NELL1: variants seen among roughly 807,000 people sequenced by gnomAD.
NELL1 encodes the protein neural EGFL like 1.
A neutral mutation model predicts 107.4 loss-of-function variants in NELL1; 76 were observed. The observed-to-expected ratio is 0.71, with a 90% confidence interval of 0.59 to 0.86. NELL1 has a LOEUF of 0.86. Among genes scored for constraint, NELL1 ranks in the 40% least tolerant of loss-of-function variants. NELL1 has a pLI of 0.00. For synonymous variants in NELL1, 353 were observed against 341.2 expected (o/e 1.03, Z -0.38); for missense variants, 1,024 against 1,005.5 (o/e 1.02, Z -0.25).
At chr11:21,280,162 C>T (rs953687501) in intron 14 of NELL1, among the ~76,000 whole-genome samples, 1 of 152,102 alleles carries the variant, frequency 6.6e-6, no homozygotes, top group South Asian at 2.1e-4. Context: ...TGGTCCAAAC[C>T]TGTACAATGT....
intron 12 of NELL1, among the ~76,000 whole-genome samples, chr11:20,980,325 A>T (rs1851724942): frequency 6.6e-6 from 1 of 152,166 alleles, no homozygotes; most frequent in Admixed American, 6.5e-5. Flanking sequence ...CTTCATTTTT[A>T]AAGATGAACA....
chr11:20,911,083 G>A (rs910847733), intron 5 of NELL1, among the ~76,000 whole-genome samples: 2 of 152,188 alleles, frequency 1.3e-5, no homozygotes, highest in African/African-American at 4.8e-5. Flanking sequence ...TTAAGAGAGA[G>A]AGAACAGTTC....
intron 13 of NELL1, among the ~76,000 whole-genome samples, chr11:21,198,257 C>T (rs1245749540): frequency 6.6e-6 from 1 of 152,178 alleles, no homozygotes; most frequent in Non-Finnish European, 1.5e-5. Flanking sequence ...CTGAAGCATC[C>T]AGACAATGAG....
chr11:21,171,434 T>C (rs1182189577), intron 13 of NELL1, among the ~76,000 whole-genome samples: 1 of 151,876 alleles, frequency 6.6e-6, no homozygotes, highest in Non-Finnish European at 1.5e-5. Context: ...AACATGTCTG[T>C]ATATTTTTTA....
rs191482615 is a variant in NELL1, at chr11:20,897,518, A to G, written c.603+11978A>G. ...GGACATAGGCATGGGCAAGGACTTCATGTCTAAAACACCAAAAGCAATGGC... is the reference window on the plus strand; with the variant it reads ...GGACATAGGCATGGGCAAGGACTTCGTGTCTAAAACACCAAAAGCAATGGC... On this transcript the variant is annotated intron_variant, in intron 5 of 19. Transcript: ENST00000357134. 2.0e-5 allele frequency among the ~76,000 whole-genome samples: 3 copies of G among 152,346 alleles called. No homozygotes were observed. In the South Asian group the frequency reaches 6.2e-4, roughly 32 times the overall value.
chr11:20,933,022 G>A (rs545678069), intron 9 of NELL1, among the ~76,000 whole-genome samples: 1 of 152,350 alleles, frequency 6.6e-6, no homozygotes, highest in Middle Eastern at 3.4e-3. Flanking sequence ...ACTGCCAGAG[G>A]GAATTGCATA....
intron 14 of NELL1, among the ~76,000 whole-genome samples, chr11:21,263,189 T>C (rs1180424113): frequency 6.6e-6 from 1 of 151,900 alleles, no homozygotes; most frequent in Non-Finnish European, 1.5e-5. Context: ...ATCCTTCTTC[T>C]TGGGTTTGTC....
rs183312864 is a variant in NELL1, at chr11:21,466,611, A to G, written c.1646-67763A>G. 3.6e-3 allele frequency among the ~76,000 whole-genome samples: 543 copies of G among 152,270 alleles called. 3 individuals carry two copies. Among genetic ancestry groups the G allele is most frequent in the African/African-American group, 0.013 (524 of 41,568 alleles). On this transcript the variant is annotated intron_variant, in intron 15 of 19. Coordinates refer to ENST00000357134, the MANE Select transcript of NELL1 (RefSeq NM_006157.5). ...ATAGCAAAAGCTTTTATTTTTCCAGACAAAATCTTGCCTGGGACCCCAGTG... is the reference window on the plus strand; with the variant it reads ...ATAGCAAAAGCTTTTATTTTTCCAGGCAAAATCTTGCCTGGGACCCCAGTG...
In NELL1 at chr11:20,721,181, G is replaced by GTATATATATATATA. The variant is rs137948986; in HGVS notation, c.184+43124_184+43137dup. ...AATGAGATATAGATATATATTTTGTGTATATATATATATATAGTGTATATA... is the reference window on the plus strand; with the variant it reads ...AATGAGATATAGATATATATTTTGTGTATATATATATATATATATATATATATATAGTGTATATA... On this transcript the variant is annotated intron_variant, in intron 2 of 19. Coordinates refer to ENST00000357134, the MANE Select transcript of NELL1 (RefSeq NM_006157.5). Among the ~76,000 whole-genome samples, 377 of 125,828 alleles carry GTATATATATATATA rather than the reference G, an allele frequency of 3.0e-3. 12 individuals carry two copies. Among genetic ancestry groups the GTATATATATATATA allele is most frequent in the African/African-American group, 0.013 (355 of 27,852 alleles). 82.5% of individuals were successfully genotyped at this position (125,828 alleles called of 152,430 possible). A position where few individuals can be genotyped will look rare whatever the true frequency, so the allele number is the denominator to read the frequency against.
chr11:21,289,615 A>T (rs970095734), intron 14 of NELL1, among the ~76,000 whole-genome samples: 2 of 152,224 alleles, frequency 1.3e-5, no homozygotes, highest in South Asian at 2.1e-4. Context: ...TAACTGAAGG[A>T]GTTTTTTTTC....
intron 2 of NELL1, among the ~76,000 whole-genome samples, chr11:20,732,730 CA>C (rs1855675455): frequency 6.6e-6 from 1 of 152,128 alleles, no homozygotes; most frequent in African/African-American, 2.4e-5. Flanking sequence ...TGTGGCAAGA[CA>C]GAGAGAAAAT....
chr11:20,723,729 C>CCG (rs1215097564), intron 2 of NELL1, among the ~76,000 whole-genome samples: 2 of 145,412 alleles, frequency 1.4e-5, no homozygotes, highest in African/African-American at 5.7e-5. Flanking sequence ...AGTGGGGACT[C>CCG]TGTGGGGGGG....
At chr11:21,507,651 G>T (rs886413432) in intron 15 of NELL1, among the ~76,000 whole-genome samples, 1 of 148,982 alleles carries the variant, frequency 6.7e-6, no homozygotes, top group African/African-American at 2.5e-5. Context: ...ATGCAGTTAG[G>T]AAAAGAACCA....
chr11:20,756,516 A>ATTT (rs753445309), intron 2 of NELL1, among the ~76,000 whole-genome samples: 7 of 97,320 alleles, frequency 7.2e-5, no homozygotes, highest in African/African-American at 1.6e-4. Flanking sequence ...ATTTTTTGTA[A>ATTT]TTTTTTTTTT....
intron 15 of NELL1, among the ~76,000 whole-genome samples, chr11:21,447,264 C>G (rs1292292696): frequency 6.6e-6 from 1 of 152,242 alleles, no homozygotes; most frequent in African/African-American, 2.4e-5. Context: ...TTGCTCTTTT[C>G]CACTGTGGCT....
At chr11:21,022,007 C>T (rs908586837) in intron 12 of NELL1, among the ~76,000 whole-genome samples, 1 of 152,074 alleles carries the variant, frequency 6.6e-6, no homozygotes, top group Non-Finnish European at 1.5e-5. Flanking sequence ...TCTTTGACCT[C>T]TTCCCACTAG....
chr11:20,867,773 T>G (rs1004764515), intron 4 of NELL1, among the ~76,000 whole-genome samples: 1 of 152,190 alleles, frequency 6.6e-6, no homozygotes, highest in Non-Finnish European at 1.5e-5. Context: ...ATCACATGTC[T>G]CTTGAGATCC....
chr11:20,819,933 C>T (rs765419525), intron 3 of NELL1, among the ~76,000 whole-genome samples: 17 of 152,182 alleles, frequency 1.1e-4, no homozygotes, highest in East Asian at 1.9e-4. Flanking sequence ...AGAGATGATC[C>T]GCTTGATTCC....
chr11:20,998,696 C>A (rs1400367), intron 12 of NELL1, among the ~76,000 whole-genome samples: 1 of 152,066 alleles, frequency 6.6e-6, no homozygotes, highest in Non-Finnish European at 1.5e-5. Flanking sequence ...CATCGGCTGT[C>A]TTCCATCTTC....
Sources: allele counts gnomAD v4.1 joint callset (sites outside exome capture counted in the v4.1 genomes callset), GRCh38; gene constraint gnomAD v4.1.1; transcripts MANE v1.5; gene names NCBI Gene and HGNC (gene_info 2026-07-23, HGNC 2026-07-21).